Variants in PLEC observed in about 807,000 individuals in gnomAD.
PLEC encodes plectin.
Under a neutral mutation model 392.8 loss-of-function variants are expected in PLEC, and 216 were observed. The observed-to-expected ratio is 0.55, with a 90% CI of 0.49 to 0.62. The LOEUF (loss-of-function observed/expected upper bound fraction) is 0.62. Ranked by LOEUF, PLEC falls within the 20% of genes least tolerant of loss-of-function variation. PLEC has a pLI of 0.00. For missense variants in PLEC, 6,863 were observed against 6,563.4 expected, an observed-to-expected ratio of 1.05 and a Z score of -1.58; for synonymous variants, 3,621 against 2,980.6, an observed-to-expected ratio of 1.21 and a Z score of -7.00.
Position 143,927,959 on chromosome 8 carries a change from C to T in PLEC, c.3294G>A (p.Thr1098=), listed in dbSNP as rs576249509. 2.4e-5 allele frequency: 39 copies of T among 1,601,402 alleles called. No individual in the cohort carries two copies. Among genetic ancestry groups the T allele is most frequent in the East Asian group, 2.0e-4 (9 of 44,444 alleles). Residue 1098 remains threonine, a synonymous_variant, in exon 26 of 32, where the codon ACG becomes ACA. Transcript: ENST00000345136. The part of the protein sequence containing the change: ...LKTISLVIRG[T]QGAEEVLRAH... Reference sequence around the variant, plus strand: ...CCCTGAGCACCTCCTCGGCCCCCTGCGTGCCGCGGATCACCAGGCTGATGG... The same window carrying T: ...CCCTGAGCACCTCCTCGGCCCCCTGTGTGCCGCGGATCACCAGGCTGATGG...
upstream of PLEC, among the ~76,000 whole-genome samples, chr8:143,954,760 A>G (rs1294268466): frequency 6.6e-6 from 1 of 152,104 alleles, no homozygotes; most frequent in Non-Finnish European, 1.5e-5. This position sits in a 1 kb window ranked among gnomAD's most constrained non-coding sequence, Gnocchi z 4.6. Flanking sequence ...TGCCCACACC[A>G]GGGCACCCCT....
At chr8:143,942,257 C>A (rs782174216), upstream of PLEC, 145 of 1,036,140 alleles carry the variant, frequency 1.4e-4, no homozygotes, top group Admixed American at 4.9e-4. Context: ...TTCCGGAGCT[C>A]GGGGGCAAGG....
At chr8:143,934,474 A>T (rs782035725) in intron 10 of PLEC, 29 bp from the exon 11 acceptor site, 1 of 1,609,450 alleles carries the variant, frequency 6.2e-7, no homozygotes, top group Non-Finnish European at 8.5e-7. Context: ...CTCAGGCCCT[A>T]TAGGCAGGGG....
At chr8:143,950,569 C>G (rs1299236244) in exon 1 of PLEC, 1 of 1,608,408 alleles carries the variant, frequency 6.2e-7, no homozygotes, top group Non-Finnish European at 8.5e-7. Flanking sequence ...GCATGACCTG[C>G]AGGTTGGTGA....
intron 30 of PLEC, among the ~76,000 whole-genome samples, chr8:143,926,316 C>A (rs1287687265): frequency 6.6e-6 from 1 of 152,172 alleles, no homozygotes; most frequent in African/African-American, 2.4e-5. Context: ...GGCGAGGCGG[C>A]CAGCGTGGAG....
At position 143,923,987 on chromosome 8, in the gene PLEC, C is replaced by T. The variant is rs782635621; in HGVS notation, c.5942G>A (p.Arg1981Gln). 6.6e-5 allele frequency: 104 copies of T among 1,585,312 alleles called. No individual in the cohort carries two copies. Among genetic ancestry groups the T allele is most frequent in the African/African-American group, 1.2e-4 (9 of 74,672 alleles). ...GCGCTCCTCAGCCTCACGGCGCCGCCGCTCCTCCTCCGCCGCCAGCTGCCG... is the reference window on the plus strand; with the variant it reads ...GCGCTCCTCAGCCTCACGGCGCCGCTGCTCCTCCTCCGCCGCCAGCTGCCG... ...RQRQLAAEEE[R>Q]RRREAEERVQ... The change falls in exon 31 of 32, where the codon CGG becomes CAG. Residue 1981 changes from arginine to glutamine, a missense_variant. Physicochemically the swap from Arg to Gln is conservative, Grantham distance 43. Transcript: ENST00000345136.
At chr8:143,950,516 G>T (rs1554735593) in exon 1 of PLEC, 1 of 1,607,876 alleles carries the variant, frequency 6.2e-7, no homozygotes, top group African/African-American at 1.3e-5. Flanking sequence ...CCAGGCAAAG[G>T]TCTCGCGGAC....
intron 1 of PLEC, among the ~76,000 whole-genome samples, chr8:143,972,798 A>AG (rs1213830583): frequency 2.6e-5 from 4 of 152,188 alleles, no homozygotes; most frequent in African/African-American, 9.7e-5. Context: ...GACTAGGGCA[A>AG]GGGGGTCTGC....
rs1586915277 is a variant in PLEC, at chr8:143,924,671, A to G, written c.5258T>C (p.Leu1753Pro). ...CCGCACCTTGGCCAGCTCGGCTTCC[A>G]GCTCCTGCCGTTTCTGCGTGGCTGC... is the stretch of plus-strand genomic sequence containing the variant. ...AAAATQKRQE[L>P]EAELAKVRAE... The change falls in exon 31 of 32, where the codon CTG (leucine) becomes CCG (proline). Residue 1753 changes from leucine (L) to proline (P), a missense_variant. Transcript: ENST00000345136. 2 of 1,534,246 alleles carry G rather than the reference A, an allele frequency of 1.3e-6. No individual in the cohort carries two copies. The highest frequency in any genetic ancestry group is 1.7e-6 in the Non-Finnish European group (2 of 1,146,432).
chr8:143,925,260 C>A lies in PLEC; in HGVS notation c.4669G>T (p.Val1557Leu). 1 of 1,582,582 alleles carries A rather than the reference C, an allele frequency of 6.3e-7. No individual in the cohort carries two copies. The highest frequency in any genetic ancestry group is 2.0e-4 in the Middle Eastern group (1 of 5,104). Residue 1557 changes from valine to leucine, a missense_variant, in exon 31 of 32, where the codon GTG (valine) becomes TTG (leucine). Val to Leu is a conservative substitution (Grantham distance 32). Transcript: ENST00000345136. ...EAERRLRQAE[V>L]ERARQVQVAL... is the part of the protein sequence containing the mutation. ...ACCTGTACCTGCCGCGCTCGCTCCA[C>A]CTCGGCCTGCCGCAGGCGCCGCTCC...
At position 143,918,785 on chromosome 8, in the gene PLEC, G is replaced by A. The variant is rs200060757; in HGVS notation, c.11036C>T (p.Ala3679Val). The stretch of plus-strand genomic sequence containing the variant: ...ATAGAGGTAGCACCAGGCGGACTCC[G>A]CCTCGAGAGCCTCACGGAGGCTCCT... ...GTRSLREALEAESAWCYLYGT... is the reference protein window; with the variant it reads ...GTRSLREALEVESAWCYLYGT... The change falls in exon 32 of 32, where the codon GCG becomes GTG. Residue 3679 changes from alanine to valine, a missense_variant. Transcript: ENST00000345136. 5.5e-4 allele frequency: 889 copies of A among 1,613,108 alleles called. 3 individuals carry two copies. The highest frequency in any genetic ancestry group is 1.2e-3 in the South Asian group (113 of 91,090).
At chr8:143,938,489 G>C (rs1319315973) in intron 2 of PLEC, 142 bp downstream of exon 2, 1 of 1,560,206 alleles carries the variant, frequency 6.4e-7, no homozygotes, top group African/African-American at 1.4e-5. Context: ...AGGGAAGAAA[G>C]AGGACAGAAA....
At chr8:143,970,714 G>C (rs1235540984) in intron 1 of PLEC, among the ~76,000 whole-genome samples, 2 of 152,058 alleles carry the variant, frequency 1.3e-5, no homozygotes, top group Non-Finnish European at 2.9e-5. Flanking sequence ...CCACTCACCT[G>C]CATTGCCACA....
chr8:143,939,724 C>T (rs1435647960), upstream of PLEC: 11 of 1,185,170 alleles, frequency 9.3e-6, 1 homozygote, highest in African/African-American at 1.6e-5. Context: ...GCAGCCCCCT[C>T]CCCCACAGAC....
rs201455467 is a variant in PLEC at position 143,920,574 on chromosome 8, G to T, written c.9247C>A (p.Arg3083Ser). ...SARLTVDEAV[R>S]AGLVGPEFHE... ...AACTCGGGGCCCACCAGGCCAGCACGCACTGCCTCGTCCACGGTCAGCCGG... is the reference window on the plus strand; with the variant it reads ...AACTCGGGGCCCACCAGGCCAGCACTCACTGCCTCGTCCACGGTCAGCCGG... The change falls in exon 32 of 32, where the codon CGT (arginine) becomes AGT (serine). Residue 3083 changes from arginine (R) to serine (S), a missense_variant. Coordinates refer to ENST00000345136, the MANE Select transcript of PLEC (RefSeq NM_201384.3). 1.9e-6 allele frequency: 3 copies of T among 1,610,914 alleles called. No homozygotes were observed. The highest frequency in any genetic ancestry group is 2.5e-6 in the Non-Finnish European group (3 of 1,179,854).
At position 143,924,744 on chromosome 8, in the gene PLEC, G is replaced by A. The variant is rs538896644; in HGVS notation, c.5185C>T (p.Arg1729Trp). 1.2e-5 allele frequency: 19 copies of A among 1,534,594 alleles called. No individual in the cohort carries two copies. Among genetic ancestry groups the A allele is most frequent in the Admixed American group, 5.9e-5 (3 of 50,956 alleles). Residue 1729 changes from arginine (R) to tryptophan (W), a missense_variant, in exon 31 of 32, where the codon CGG becomes TGG. Coordinates refer to ENST00000345136, the MANE Select transcript of PLEC (RefSeq NM_201384.3). ...RAETEQGEQQ[R>W]QLLEEELARL... ...GCCAGCTCCTCCTCCAGCAGCTGCC[G>A]CTGCTGCTCCCCCTGCTCCGTCTCG...
upstream of PLEC, chr8:143,953,602 C>T: frequency 9.3e-7 from 1 of 1,070,806 alleles, no homozygotes; most frequent in South Asian, 1.3e-5. Flanking sequence ...GGCTCTGGCT[C>T]AGCGACCCAC....
rs1386334539 is a variant in PLEC at position 143,939,448 on chromosome 8, T to C, written c.14A>G (p.Gln5Arg). ...GCCCTCGGGCTGCGGCACGCGGAGC[T>C]GGTGCTGAGACATGCTGCCCCCACA... MSQH[Q>R]LRVPQPEGLG... Residue 5 changes from glutamine to arginine, a missense_variant, in exon 1 of 32, where the codon CAG (glutamine) becomes CGG (arginine). Physicochemically the swap from Gln to Arg is conservative, Grantham distance 43. Transcript: ENST00000345136. 6 of 1,611,744 alleles carry C rather than the reference T, an allele frequency of 3.7e-6. No homozygotes were observed. In the South Asian group the frequency reaches 5.5e-5, roughly 15 times the overall value.
At position 143,916,947 on chromosome 8, in the gene PLEC, C is replaced by T. The variant is rs1820764559; in HGVS notation, c.12874G>A (p.Val4292Met). Residue 4292 changes from valine (V) to methionine (M), a missense_variant, in exon 32 of 32, where the codon GTG becomes ATG. Coordinates refer to ENST00000345136, the MANE Select transcript of PLEC (RefSeq NM_201384.3). ...GILDTETLEK[V>M]SITEAMHRNL... ...CGGTGCATGGCCTCGGTGATGGACA[C>T]CTTCTCCAGCGTCTCCGTGTCCAGG... The T allele has an allele frequency of 1.2e-6, 2 of 1,612,702 alleles. No homozygotes were observed. Among genetic ancestry groups the T allele is most frequent in the African/African-American group, 2.7e-5 (2 of 74,904 alleles).
Sources: allele counts gnomAD v4.1 joint callset (sites outside exome capture counted in the v4.1 genomes callset), GRCh38; gene constraint gnomAD v4.1.1; non-coding constraint Gnocchi (gnomAD v3.1); transcripts MANE v1.5; gene names NCBI Gene and HGNC (gene_info 2026-07-23, HGNC 2026-07-21).